Variants in ADAM15 observed in about 807,000 individuals in gnomAD.
ADAM15 encodes the protein disintegrin and metalloproteinase domain-containing protein 15.
Under a neutral mutation model 113.8 loss-of-function variants are expected in ADAM15, and 77 were observed. The ratio of observed to expected loss-of-function variants is 0.68; its 90% CI spans 0.56 to 0.82. The LOEUF is 0.82. Ranked by LOEUF, ADAM15 falls within the 40% of genes least tolerant of loss-of-function variation. ADAM15 has a pLI of 0.00. For synonymous variants in ADAM15, 388 were observed against 454.1 expected (o/e 0.85, Z 1.85); for missense variants, 963 against 1,120.1 (o/e 0.86, Z 2.00).
At position 155,056,050 on chromosome 1, in the gene ADAM15, C is replaced by T; in HGVS notation, c.745-30C>T. On this transcript the variant is annotated intron_variant, in intron 8 of 22. Transcript: ENST00000356955. This position sits in a 1 kb window ranked among gnomAD's most constrained non-coding sequence, Gnocchi z 4.0. ...CACCCCAGGCCCCTGACCATGGCAACCCCTCTTCTGAGCCCCAGCTGTCTT... is the reference window on the plus strand; with the variant it reads ...CACCCCAGGCCCCTGACCATGGCAATCCCTCTTCTGAGCCCCAGCTGTCTT... The T allele has an allele frequency of 1.9e-6, 3 of 1,612,190 alleles. No homozygotes were observed. Among genetic ancestry groups the T allele is most frequent in the Non-Finnish European group, 2.5e-6 (3 of 1,179,720 alleles).
chr1:155,062,539 A>G lies in ADAM15; in HGVS notation c.*37A>G, dbSNP rs796253132. On this transcript the variant is annotated 3_prime_UTR_variant, in exon 23 of 23. Coordinates refer to ENST00000356955, the MANE Select transcript of ADAM15 (RefSeq NM_207197.3). This position sits in a 1 kb window ranked among gnomAD's most constrained non-coding sequence, Gnocchi z 7.0. Reference sequence around the variant, plus strand: ...GTTCCGCTGCCTCCAAGCCGGACTTAGGGCTTCAAGAGGCGGGCGTGCCCT... The same window carrying G: ...GTTCCGCTGCCTCCAAGCCGGACTTGGGGCTTCAAGAGGCGGGCGTGCCCT... 4 of 1,609,066 alleles carry G rather than the reference A, an allele frequency of 2.5e-6. No individual in the cohort carries two copies. In the African/African-American group the frequency reaches 5.3e-5, roughly 21 times the overall value.
chr1:155,052,503 C>T (rs1266822191), intron 1 of ADAM15, 168 bp from the exon 2 acceptor site: 5 of 1,539,856 alleles, frequency 3.2e-6, no homozygotes, highest in Admixed American at 2.0e-5. Context: ...TAGAGAGACA[C>T]CCTCTCCTTC....
At position 155,055,945 on chromosome 1, in the gene ADAM15, G is replaced by A. The variant is rs753684580; in HGVS notation, c.689G>A (p.Arg230Gln). 3.7e-6 allele frequency: 6 copies of A among 1,614,046 alleles called. No individual in the cohort carries two copies. The highest frequency in any genetic ancestry group is 4.5e-5 in the East Asian group (2 of 44,888). The part of the protein sequence containing the change: ...VADHSEAQKY[R>Q]DFQHLLNRTL... ...CTTGGCCTACAGGCCCAGAAATACC[G>A]GGACTTCCAGCACCTGCTAAACCGC... The change falls in exon 8 of 23, where the codon CGG (arginine) becomes CAG (glutamine). Residue 230 changes from arginine to glutamine, a missense_variant. Transcript: ENST00000356955.
chr1:155,058,587 T>C lies in ADAM15; in HGVS notation c.1918-123T>C, dbSNP rs1330617937. 1.9e-6 allele frequency: 3 copies of C among 1,552,164 alleles called. No homozygotes were observed. The highest frequency in any genetic ancestry group is 2.6e-6 in the Non-Finnish European group (3 of 1,148,866). On this transcript the variant is annotated intron_variant, in intron 15 of 22. Transcript: ENST00000356955. The surrounding 1 kb of genome is among the most constrained non-coding windows in gnomAD (Gnocchi z 4.3). ...TTACTTCAGATGGAGCAAAGTCCTA[T>C]CAACTCACTATGCCTTGGTTTCCCC...
chr1:155,055,447 C>A, intron 6 of ADAM15: 2 of 318,612 alleles, frequency 6.3e-6, no homozygotes, highest in South Asian at 2.9e-5. Context: ...AGGATGGTCT[C>A]GATCTCCTGA....
chr1:155,062,432 T>C lies in ADAM15; in HGVS notation c.2550-28T>C. 6.2e-7 allele frequency: 1 copy of C among 1,613,074 alleles called. No homozygotes were observed. The highest frequency in any genetic ancestry group is 8.5e-7 in the Non-Finnish European group (1 of 1,179,914). ...GACCTGGGGGAAAGGGGCCTCTGACTCTTTTTTCTTGGCTTCCCGCAATCC... is the reference window on the plus strand; with the variant it reads ...GACCTGGGGGAAAGGGGCCTCTGACCCTTTTTTCTTGGCTTCCCGCAATCC... On this transcript the variant is annotated intron_variant, in intron 22 of 22. Coordinates refer to ENST00000356955, the MANE Select transcript of ADAM15 (RefSeq NM_207197.3). This position sits in a 1 kb window ranked among gnomAD's most constrained non-coding sequence, Gnocchi z 7.0.
Position 155,060,238 on chromosome 1 carries a change from GC to G in ADAM15, c.2104del (p.Leu702SerfsTer8). 1 of 1,614,110 alleles carries G rather than the reference GC, an allele frequency of 6.2e-7. No individual in the cohort carries two copies. Among genetic ancestry groups the G allele is most frequent in the Non-Finnish European group, 8.5e-7 (1 of 1,180,012 alleles). ...TCCCTGACCACAGGGCTGCTCCTCA[GC>G]CTCCTGGTCTTATTGGTCCTGGTGA... ...TSSLTTGLLL[S>X]LLVLLVLVML... On this transcript the variant is annotated frameshift_variant, in exon 18 of 23. Coordinates refer to ENST00000356955, the MANE Select transcript of ADAM15 (RefSeq NM_207197.3). LOFTEE classifies it high-confidence loss of function.
Position 155,062,462 on chromosome 1 carries a change from C to CA in ADAM15, c.2553dup (p.Ala852SerfsTer26). 1 of 1,613,334 alleles carries CA rather than the reference C, an allele frequency of 6.2e-7. No individual in the cohort carries two copies. The highest frequency in any genetic ancestry group is 2.2e-5 in the East Asian group (1 of 44,868). On this transcript the variant is annotated frameshift_variant, in exon 23 of 23. Coordinates refer to ENST00000356955, the MANE Select transcript of ADAM15 (RefSeq NM_207197.3). LOFTEE classifies it high-confidence loss of function. This position sits in a 1 kb window ranked among gnomAD's most constrained non-coding sequence, Gnocchi z 7.0. Reference sequence around the variant, plus strand: ...TTTCTTGGCTTCCCGCAATCCAGACCAGCGCCACCGCCTCCGACAGTGTCC... The same window carrying CA: ...TTTCTTGGCTTCCCGCAATCCAGACCAAGCGCCACCGCCTCCGACAGTGTCC...
intron 5 of ADAM15, 36 bp downstream of exon 5, chr1:155,054,262 AAGGAGACCC>A: frequency 6.3e-7 from 1 of 1,585,046 alleles, no homozygotes; most frequent in African/African-American, 1.4e-5. Context: ...TAGAGAAAGT[AAGGAGACCC>A]AGGCATGGAG....
Position 155,057,090 on chromosome 1 carries a change from G to A in ADAM15, c.1137G>A (p.Glu379=), listed in dbSNP as rs375977727. The change falls in exon 11 of 23, where the codon GAG becomes GAA. Residue 379 remains glutamate (E), a synonymous_variant. Coordinates refer to ENST00000356955, the MANE Select transcript of ADAM15 (RefSeq NM_207197.3). This position sits in a 1 kb window ranked among gnomAD's most constrained non-coding sequence, Gnocchi z 5.0. ...GPAPAKTCIM[E]ASTDFLPGLN... ...CCCCAGCCAAGACCTGCATCATGGA[G>A]GCCTCCACAGAGTAAGTAGCTGCAG... 1.3e-6 allele frequency: 2 copies of A among 1,570,430 alleles called. No individual in the cohort carries two copies. Among genetic ancestry groups the A allele is most frequent in the Admixed American group, 1.8e-5 (1 of 54,194 alleles).
Position 155,051,331 on chromosome 1 carries a change from T to A in ADAM15, c.-56T>A. 1 of 1,317,034 alleles carries A rather than the reference T, an allele frequency of 7.6e-7. No individual in the cohort carries two copies. Among genetic ancestry groups the A allele is most frequent in the Admixed American group, 4.1e-5 (1 of 24,628 alleles). 81.6% of individuals were successfully genotyped at this position (1,317,034 alleles called of 1,614,324 possible). Reference sequence around the variant, plus strand: ...CCGAGGCGACCTGGCCGCCGGCCGCTCCTCCGCGCGCTGTTCCGCACTTGC... The same window carrying A: ...CCGAGGCGACCTGGCCGCCGGCCGCACCTCCGCGCGCTGTTCCGCACTTGC... On this transcript the variant is annotated 5_prime_UTR_variant, in exon 1 of 23. Coordinates refer to ENST00000356955, the MANE Select transcript of ADAM15 (RefSeq NM_207197.3).
chr1:155,060,415 G>A, intron 18 of ADAM15, 72 bp downstream of exon 18: 1 of 1,586,200 alleles, frequency 6.3e-7, no homozygotes, highest in Non-Finnish European at 8.6e-7. Context: ...CACCTCTGCA[G>A]CCCCTGCCAC....
At position 155,058,993 on chromosome 1, in the gene ADAM15, C is replaced by T. The variant is rs1042863935; in HGVS notation, c.1995+206C>T. ...AATAATAGTATCCCCATCCAGGGTA[C>T]ATGAGATGAGTATGAAAGCATCTAG... On this transcript the variant is annotated intron_variant, in intron 16 of 22. Coordinates refer to ENST00000356955, the MANE Select transcript of ADAM15 (RefSeq NM_207197.3). The surrounding 1 kb of genome is among the most constrained non-coding windows in gnomAD (Gnocchi z 4.3). Among the ~76,000 whole-genome samples the T allele has an allele frequency of 1.3e-5, 2 of 152,176 alleles. No individual in the cohort carries two copies. The highest frequency in any genetic ancestry group is 2.9e-5 in the Non-Finnish European group (2 of 68,040).
At chr1:155,052,832 G>A in intron 2 of ADAM15, 55 bp downstream of exon 2, 6 of 1,544,480 alleles carry the variant, frequency 3.9e-6, no homozygotes, top group Non-Finnish European at 5.3e-6. Context: ...CCCCGGTATA[G>A]CCAGGTGTCT....
Position 155,062,480 on chromosome 1 carries a change from C to T in ADAM15, c.2570C>T (p.Thr857Ile). ...TCCAGACCAGCGCCACCGCCTCCGA[C>T]AGTGTCCTCGCTCTACCTCTGACCT... is the stretch of plus-strand genomic sequence containing the variant. ...VPSRPAPPPP[T>I]VSSLYL The change falls in exon 23 of 23, where the codon ACA becomes ATA. Residue 857 changes from threonine (T) to isoleucine (I), a missense_variant. By Grantham distance (89) the Thr-to-Ile change is moderately conservative. Coordinates refer to ENST00000356955, the MANE Select transcript of ADAM15 (RefSeq NM_207197.3). This position sits in a 1 kb window ranked among gnomAD's most constrained non-coding sequence, Gnocchi z 7.0. The T allele has an allele frequency of 1.2e-6, 2 of 1,613,534 alleles. No homozygotes were observed. The highest frequency in any genetic ancestry group is 1.7e-6 in the Non-Finnish European group (2 of 1,179,992).
intron 4 of ADAM15, 64 bp downstream of exon 4, chr1:155,054,052 T>C (rs560521505): frequency 1.2e-6 from 2 of 1,612,498 alleles, no homozygotes; most frequent in South Asian, 2.2e-5. Flanking sequence ...GGCTGGAAGG[T>C]GAGAGGACAC....
intron 19 of ADAM15, chr1:155,061,056 G>A (rs1662514718): frequency 1.7e-6 from 1 of 590,510 alleles, no homozygotes; most frequent in Non-Finnish European, 3.0e-6. Context: ...AGGAGCTGCT[G>A]GGCTCCGTCC....
intron 3 of ADAM15, 138 bp downstream of exon 3, chr1:155,053,631 G>A (rs1469693644): frequency 9.5e-6 from 9 of 945,416 alleles, no homozygotes; most frequent in Admixed American, 8.2e-5. Context: ...ATGTATTATT[G>A]TCCTCACTTT....
chr1:155,054,241 T>G lies in ADAM15; in HGVS notation c.419+15T>G, dbSNP rs759341107. The G allele has an allele frequency of 6.3e-7, 1 of 1,589,944 alleles. No homozygotes were observed. The highest frequency in any genetic ancestry group is 2.2e-5 in the East Asian group (1 of 44,634). On this transcript the variant is annotated intron_variant, in intron 5 of 22. Transcript: ENST00000356955. ...TCTGGGCTCAGGTATACTGGGCGGA[T>G]TTAATGACAGTAGAGAAAGTAAGGA...
Sources: allele counts gnomAD v4.1 joint callset (sites outside exome capture counted in the v4.1 genomes callset), GRCh38; gene constraint gnomAD v4.1.1; non-coding constraint Gnocchi (gnomAD v3.1); transcripts MANE v1.5; gene names NCBI Gene and HGNC (gene_info 2026-07-23, HGNC 2026-07-21).